The following CHST11 variants were observed in gnomAD, a reference collection of about 807,000 sequenced individuals.
CHST11 encodes C4S-1.
CHST11 carries 9 observed loss-of-function variants against 30.4 expected under a neutral mutation model. The ratio of observed to expected loss-of-function variants is 0.30; its 90% CI spans 0.18 to 0.52. CHST11 has a LOEUF of 0.52. CHST11 is among the 20% of genes least tolerant of loss of function. CHST11 has a pLI of 0.97. For missense variants in CHST11, 348 were observed against 460.6 expected, an observed-to-expected ratio of 0.76 and a Z score of 2.24; for synonymous variants, 152 against 187.8, an observed-to-expected ratio of 0.81 and a Z score of 1.56.
At chr12:104,722,921 G>A (rs868196553) in intron 2 of CHST11, among the ~76,000 whole-genome samples, 17 of 152,100 alleles carry the variant, frequency 1.1e-4, no homozygotes, top group African/African-American at 4.1e-4. Context: ...ACAAACCCAC[G>A]TGTCCTACGG....
chr12:104,464,842 A>G (rs2037443533), intron 1 of CHST11, among the ~76,000 whole-genome samples: 1 of 152,240 alleles, frequency 6.6e-6, no homozygotes. Flanking sequence ...CAATAAAAAT[A>G]AAACGATGAA....
intron 2 of CHST11, among the ~76,000 whole-genome samples, chr12:104,619,838 C>T (rs544915700): frequency 6.6e-6 from 1 of 152,290 alleles, no homozygotes; most frequent in South Asian, 2.1e-4. Flanking sequence ...ATGGTTTTTG[C>T]AGATGGAACA....
chr12:104,544,142 GA>G lies in CHST11; in HGVS notation c.119-57761del, dbSNP rs1161904304. On this transcript the variant is annotated intron_variant, in intron 1 of 2. Coordinates refer to ENST00000303694, the MANE Select transcript of CHST11 (RefSeq NM_018413.6). Reference sequence around the variant, plus strand: ...CTGTCTGTTAAAAAAAAAAAAAAAAGAAAGAAAGAAAGAAAGAAAGAAAGAA... The same window carrying G: ...CTGTCTGTTAAAAAAAAAAAAAAAAGAAGAAAGAAAGAAAGAAAGAAAGAA... 2.2e-4 allele frequency among the ~76,000 whole-genome samples: 8 copies of G among 35,660 alleles called. 1 individual carries two copies. The highest frequency in any genetic ancestry group is 6.8e-4 in the African/African-American group (8 of 11,688). The allele number at this position is 35,660 out of a possible 152,430, so 23.4% of individuals were successfully genotyped here. A position where few individuals can be genotyped will look rare whatever the true frequency, so the allele number is the denominator to read the frequency against.
intron 1 of CHST11, among the ~76,000 whole-genome samples, chr12:104,546,005 C>G (rs1053686082): frequency 1.3e-5 from 2 of 152,134 alleles, no homozygotes; most frequent in Non-Finnish European, 2.9e-5. Context: ...TATGAGGGCT[C>G]TACCCTCATT....
chr12:104,733,158 G>A (rs957345700), intron 2 of CHST11, among the ~76,000 whole-genome samples: 2 of 152,176 alleles, frequency 1.3e-5, no homozygotes, highest in African/African-American at 4.8e-5. Flanking sequence ...TTCTGCCACC[G>A]GGTTCTTTAA....
intron 2 of CHST11, among the ~76,000 whole-genome samples, chr12:104,648,057 A>G (rs1007587836): frequency 1.3e-5 from 2 of 152,200 alleles, no homozygotes; most frequent in African/African-American, 4.8e-5. Context: ...TGTTGGTCAC[A>G]TAGGTCAATC....
At chr12:104,651,936 T>C (rs1250854515) in intron 2 of CHST11, among the ~76,000 whole-genome samples, 2 of 152,226 alleles carry the variant, frequency 1.3e-5, no homozygotes, top group Non-Finnish European at 2.9e-5. Context: ...AGAGTTAACA[T>C]TTCGTTCTCA....
At chr12:104,622,326 T>C (rs1227060060) in intron 2 of CHST11, among the ~76,000 whole-genome samples, 1 of 152,230 alleles carries the variant, frequency 6.6e-6, no homozygotes, top group Non-Finnish European at 1.5e-5. Context: ...TACCACTGTT[T>C]AGTCAGTACA....
chr12:104,566,950 C>A (rs2038573166), intron 1 of CHST11, among the ~76,000 whole-genome samples: 1 of 151,936 alleles, frequency 6.6e-6, no homozygotes, highest in African/African-American at 2.4e-5. Flanking sequence ...GTAAGGCAGT[C>A]TTCTTGTAAG....
chr12:104,466,338 A>G (rs1230660369), intron 1 of CHST11, among the ~76,000 whole-genome samples: 2 of 152,196 alleles, frequency 1.3e-5, no homozygotes, highest in African/African-American at 2.4e-5. Context: ...ACAAAAAACA[A>G]AAAACAAAAC....
At chr12:104,748,785 T>G (rs1054748107) in intron 2 of CHST11, among the ~76,000 whole-genome samples, 1 of 152,140 alleles carries the variant, frequency 6.6e-6, no homozygotes, top group Admixed American at 6.5e-5. Flanking sequence ...CCCAAACACT[T>G]TGGGGGCTTG....
intron 1 of CHST11, among the ~76,000 whole-genome samples, chr12:104,520,025 A>G (rs1051295510): frequency 6.6e-6 from 1 of 152,200 alleles, no homozygotes. Flanking sequence ...GGACTCCATC[A>G]GGGAACGGGG....
intron 1 of CHST11, among the ~76,000 whole-genome samples, chr12:104,523,335 G>A (rs1442975483): frequency 6.6e-6 from 1 of 152,160 alleles, no homozygotes; most frequent in African/African-American, 2.4e-5. Flanking sequence ...TTGGAGTGAG[G>A]GAAGCCAACT....
At chr12:104,513,919 A>G (rs766800434) in intron 1 of CHST11, 2 of 493,824 alleles carry the variant, frequency 4.1e-6, no homozygotes, top group African/African-American at 3.9e-5. Flanking sequence ...TTGTGTTGCT[A>G]TAAAGGAATA....
chr12:104,754,867 T>C (rs1566066496), intron 2 of CHST11, among the ~76,000 whole-genome samples: 1 of 152,226 alleles, frequency 6.6e-6, no homozygotes, highest in Non-Finnish European at 1.5e-5. Context: ...GGCGATGGCA[T>C]GTTATAGTTC....
At chr12:104,702,881 C>G (rs770300523) in intron 2 of CHST11, among the ~76,000 whole-genome samples, 3 of 152,190 alleles carry the variant, frequency 2.0e-5, no homozygotes, top group East Asian at 3.8e-4. Flanking sequence ...AGATCTAACT[C>G]GAGCCTGGCG....
At chr12:104,471,374 G>A (rs560923578) in intron 1 of CHST11, among the ~76,000 whole-genome samples, 3 of 152,146 alleles carry the variant, frequency 2.0e-5, no homozygotes, top group African/African-American at 4.8e-5. Context: ...GGGATAGCGG[G>A]TATGGAATTT....
chr12:104,580,748 G>T (rs987716668), intron 1 of CHST11, among the ~76,000 whole-genome samples: 1 of 152,108 alleles, frequency 6.6e-6, no homozygotes, highest in Non-Finnish European at 1.5e-5. Context: ...GGAAGGAAGG[G>T]GAATTTTCAT....
At chr12:104,709,906 A>T in intron 2 of CHST11, among the ~76,000 whole-genome samples, 1 of 152,228 alleles carries the variant, frequency 6.6e-6, no homozygotes, top group East Asian at 1.9e-4. Context: ...GCTGTTATTC[A>T]AAACTTTCAG....
Sources: gnomAD v4.1 joint callset for allele counts (sites outside exome capture counted in the v4.1 genomes callset) on GRCh38, gnomAD v4.1.1 for gene constraint, MANE v1.5 for transcripts, NCBI Gene and HGNC (gene_info 2026-07-23, HGNC 2026-07-21) for gene names.